The following HEMK2 variants were observed in gnomAD, a reference collection of about 807,000 sequenced individuals.
The protein encoded by HEMK2 is HemK methyltransferase 2, ETF1 glutamine and histone H4 lysine.
chr21:28,599,787 G>A, the HEMK2 span, among the ~76,000 whole-genome samples: 5,106 of 152,262 alleles, frequency 0.034, 126 homozygotes, highest in African/African-American at 0.063. Context: ...AGATACAATG[G>A]GGGTACAGGC....
At chr21:28,709,883 A>G in the HEMK2 span, among the ~76,000 whole-genome samples, 4 of 152,290 alleles carry the variant, frequency 2.6e-5, no homozygotes, top group East Asian at 7.7e-4. Flanking sequence ...GGATATTAGA[A>G]AGCATTGCTT....
the HEMK2 span, among the ~76,000 whole-genome samples, chr21:28,809,951 C>T: frequency 6.6e-6 from 1 of 152,102 alleles, no homozygotes; most frequent in Non-Finnish European, 1.5e-5. Context: ...TCCTTGTATT[C>T]TCTCACTGCC....
At chr21:28,878,191 C>A in the HEMK2 span, 1 of 1,569,024 alleles carries the variant, frequency 6.4e-7, no homozygotes, top group African/African-American at 1.4e-5. Flanking sequence ...GTCTGTATTA[C>A]CTGGGTTGTT....
At chr21:28,774,080 T>C in the HEMK2 span, among the ~76,000 whole-genome samples, 2 of 152,172 alleles carry the variant, frequency 1.3e-5, no homozygotes, top group African/African-American at 4.8e-5. Context: ...TCACAAGTTG[T>C]ATGAGCTTGG....
the HEMK2 span, among the ~76,000 whole-genome samples, chr21:28,712,499 A>G: frequency 6.6e-6 from 1 of 152,194 alleles, no homozygotes; most frequent in Non-Finnish European, 1.5e-5. Flanking sequence ...GGATCCAGAA[A>G]AGCTCCAGAG....
the HEMK2 span, among the ~76,000 whole-genome samples, chr21:28,720,086 C>T: frequency 6.6e-6 from 1 of 152,174 alleles, no homozygotes; most frequent in South Asian, 2.1e-4. Flanking sequence ...AAGCACAGTG[C>T]TGAAGTGTTG....
chr21:28,648,547 A>G, the HEMK2 span, among the ~76,000 whole-genome samples: 1 of 152,294 alleles, frequency 6.6e-6, no homozygotes, highest in East Asian at 1.9e-4. Flanking sequence ...AGGTTTGTTA[A>G]ATGAATAATT....
chr21:28,771,518 A>ACCCCCCCAC, the HEMK2 span, among the ~76,000 whole-genome samples: 1 of 105,594 alleles, frequency 9.5e-6, no homozygotes, highest in East Asian at 4.0e-4. Context: ...AAGATGCACC[A>ACCCCCCCAC]CCCCCCCCCG....
At chr21:28,625,036 GC>G in the HEMK2 span, among the ~76,000 whole-genome samples, 656 of 152,292 alleles carry the variant, frequency 4.3e-3, 3 homozygotes, top group African/African-American at 0.015. Context: ...ATTAGAACAG[GC>G]CTCGGCCTTT....
chr21:28,761,099 T>G, the HEMK2 span, among the ~76,000 whole-genome samples: 1 of 152,146 alleles, frequency 6.6e-6, no homozygotes, highest in Non-Finnish European at 1.5e-5. Flanking sequence ...ATATGATTAT[T>G]TTTGAAAAAT....
At chr21:28,779,482 G>A in the HEMK2 span, among the ~76,000 whole-genome samples, 1 of 152,170 alleles carries the variant, frequency 6.6e-6, no homozygotes, top group East Asian at 1.9e-4. Context: ...TTGGAGAGGT[G>A]TTGATCAAAG....
chr21:28,665,690 G>T, the HEMK2 span, among the ~76,000 whole-genome samples: 7 of 151,166 alleles, frequency 4.6e-5, no homozygotes, highest in South Asian at 1.3e-3. Context: ...ATTCCTCAGG[G>T]ATCTAGAACT....
chr21:28,852,544 T>C, the HEMK2 span, among the ~76,000 whole-genome samples: 206 of 152,330 alleles, frequency 1.4e-3, 2 homozygotes, highest in East Asian at 0.028. Context: ...CAATCCACAG[T>C]TGCCCTGGTA....
the HEMK2 span, among the ~76,000 whole-genome samples, chr21:28,878,699 T>C: frequency 6.6e-6 from 1 of 151,736 alleles, no homozygotes; most frequent in Non-Finnish European, 1.5e-5. Flanking sequence ...TTGCCCTGCG[T>C]ATATCAAGGG....
chr21:28,736,262 G>C, the HEMK2 span, among the ~76,000 whole-genome samples: 3 of 152,188 alleles, frequency 2.0e-5, no homozygotes, highest in African/African-American at 7.2e-5. Flanking sequence ...AGCAAGAAAT[G>C]TCAGGCCCAC....
At chr21:28,667,832 A>G in the HEMK2 span, among the ~76,000 whole-genome samples, 1 of 152,198 alleles carries the variant, frequency 6.6e-6, no homozygotes, top group African/African-American at 2.4e-5. Flanking sequence ...TCCTTCAAGT[A>G]AGGTTAATAA....
chr21:28,583,198 AAG>A, the HEMK2 span, among the ~76,000 whole-genome samples: 73 of 152,350 alleles, frequency 4.8e-4, 2 homozygotes, highest in Admixed American at 3.3e-3. Flanking sequence ...CTAAATATGA[AAG>A]AGATATTTTA....
the HEMK2 span, among the ~76,000 whole-genome samples, chr21:28,600,884 A>T: frequency 6.6e-6 from 1 of 152,196 alleles, no homozygotes. Context: ...TTGCTAAAAC[A>T]TAGCAAGAGT....
At chr21:28,877,268 GGAAGGAA>G in the HEMK2 span, among the ~76,000 whole-genome samples, 2 of 78,628 alleles carry the variant, frequency 2.5e-5, no homozygotes, top group Non-Finnish European at 4.9e-5. Flanking sequence ...AGGGAAGGAA[GGAAGGAA>G]GGAAGGAAGG....
Sources: allele counts gnomAD v4.1 joint callset (sites outside exome capture counted in the v4.1 genomes callset), GRCh38; gene constraint gnomAD v4.1.1; transcripts MANE v1.5; gene names NCBI Gene and HGNC (gene_info 2026-07-23, HGNC 2026-07-21).